The following BRD10 variants were observed in gnomAD, a reference collection of about 807,000 sequenced individuals.
The protein encoded by BRD10 is uncharacterized bromodomain-containing protein 10.
At chr9:6,006,695 T>A in the BRD10 span, among the ~76,000 whole-genome samples, 1 of 152,196 alleles carries the variant, frequency 6.6e-6, no homozygotes, top group Non-Finnish European at 1.5e-5. Context: ...CATTAACCAT[T>A]TAGTAACACT....
chr9:5,929,823 T>G, the BRD10 span, among the ~76,000 whole-genome samples: 2 of 152,262 alleles, frequency 1.3e-5, no homozygotes, highest in South Asian at 4.1e-4. Context: ...CATTGTTATG[T>G]TCACTTTACA....
the BRD10 span, among the ~76,000 whole-genome samples, chr9:5,905,466 C>CAAGGA: frequency 1.3e-5 from 2 of 152,116 alleles, no homozygotes; most frequent in African/African-American, 2.4e-5. Flanking sequence ...CAAGACAATG[C>CAAGGA]AAGGAAAGGG....
chr9:5,887,475 A>C, the BRD10 span, among the ~76,000 whole-genome samples: 3 of 152,106 alleles, frequency 2.0e-5, no homozygotes, highest in Admixed American at 6.5e-5. Context: ...TGGGAACTTC[A>C]CCTTGCCCTG....
the BRD10 span, among the ~76,000 whole-genome samples, chr9:5,928,566 C>A: frequency 7.9e-5 from 12 of 152,148 alleles, no homozygotes; most frequent in African/African-American, 2.7e-4. Flanking sequence ...CTCTTTGCAT[C>A]TCCACTAAAC....
chr9:5,955,858 G>T, the BRD10 span, among the ~76,000 whole-genome samples: 174 of 152,268 alleles, frequency 1.1e-3, 2 homozygotes, highest in African/African-American at 4.1e-3. Flanking sequence ...TACTCAGGGA[G>T]AAGTGATTAA....
the BRD10 span, among the ~76,000 whole-genome samples, chr9:5,900,468 T>C: frequency 3.3e-5 from 5 of 152,230 alleles, no homozygotes; most frequent in African/African-American, 4.8e-5. Context: ...GGCAAAATTA[T>C]GTAAAATAGT....
At chr9:5,964,001 A>G in the BRD10 span, among the ~76,000 whole-genome samples, 1 of 152,106 alleles carries the variant, frequency 6.6e-6, no homozygotes, top group Non-Finnish European at 1.5e-5. Flanking sequence ...ATGGGCAAGG[A>G]CTTCATGTCC....
chr9:6,002,848 TTTTG>T, the BRD10 span, among the ~76,000 whole-genome samples: 11 of 152,222 alleles, frequency 7.2e-5, no homozygotes, highest in South Asian at 2.1e-4. Flanking sequence ...GGCTAATTTT[TTTTG>T]TTTGTTTGTT....
the BRD10 span, among the ~76,000 whole-genome samples, chr9:5,928,018 T>C: frequency 2.0e-5 from 3 of 152,194 alleles, no homozygotes; most frequent in African/African-American, 7.2e-5. Flanking sequence ...AAAGTTAACA[T>C]GTTCAAATCC....
At chr9:5,999,205 G>A in the BRD10 span, among the ~76,000 whole-genome samples, 132 of 151,854 alleles carry the variant, frequency 8.7e-4, 1 homozygote, top group African/African-American at 3.0e-3. Flanking sequence ...TTTTCCCTGA[G>A]AACAGAGAGA....
At chr9:5,931,065 CTT>C in the BRD10 span, among the ~76,000 whole-genome samples, 8 of 152,186 alleles carry the variant, frequency 5.3e-5, no homozygotes, top group Non-Finnish European at 1.2e-4. Flanking sequence ...AGACTATACT[CTT>C]TGTGGCAGAA....
the BRD10 span, among the ~76,000 whole-genome samples, chr9:5,976,040 G>A: frequency 6.6e-6 from 1 of 152,126 alleles, no homozygotes; most frequent in Non-Finnish European, 1.5e-5. Flanking sequence ...TAGCAACATA[G>A]CATTTATTTA....
the BRD10 span, among the ~76,000 whole-genome samples, chr9:6,002,585 A>T: frequency 6.6e-6 from 1 of 152,218 alleles, no homozygotes; most frequent in Non-Finnish European, 1.5e-5. Flanking sequence ...TTCAAATTTA[A>T]CTTAGGAAAA....
chr9:5,894,242 C>T, the BRD10 span, among the ~76,000 whole-genome samples: 1 of 152,084 alleles, frequency 6.6e-6, no homozygotes, highest in Non-Finnish European at 1.5e-5. The surrounding 1 kb of genome is among the most constrained non-coding windows in gnomAD (Gnocchi z 4.0). Flanking sequence ...AACCTCATAG[C>T]CAGGTGTACC....
chr9:5,935,418 T>A, the BRD10 span, among the ~76,000 whole-genome samples: 1 of 152,216 alleles, frequency 6.6e-6, no homozygotes, highest in Non-Finnish European at 1.5e-5. Flanking sequence ...CAGGTCACAT[T>A]CCTGGTAAGG....
chr9:5,957,861 T>C, the BRD10 span, among the ~76,000 whole-genome samples: 1 of 152,176 alleles, frequency 6.6e-6, no homozygotes, highest in Non-Finnish European at 1.5e-5. Context: ...GTAACCTGTT[T>C]TTGCTTCAGG....
the BRD10 span, among the ~76,000 whole-genome samples, chr9:5,960,434 T>C: frequency 4.6e-5 from 7 of 151,964 alleles, no homozygotes; most frequent in African/African-American, 1.7e-4. Flanking sequence ...TGGTGGCACA[T>C]GCCTGTAGTC....
the BRD10 span, among the ~76,000 whole-genome samples, chr9:5,970,107 A>G: frequency 2.0e-5 from 3 of 152,228 alleles, no homozygotes; most frequent in South Asian, 2.1e-4. Flanking sequence ...CTCTGACCCC[A>G]TAATTCCATT....
At chr9:5,983,714 T>G in the BRD10 span, among the ~76,000 whole-genome samples, 3 of 151,888 alleles carry the variant, frequency 2.0e-5, no homozygotes, top group Non-Finnish European at 4.4e-5. Flanking sequence ...GAAATGAACC[T>G]CAAGCAAGAT....
Sources: gnomAD v4.1 joint callset for allele counts (sites outside exome capture counted in the v4.1 genomes callset) on GRCh38, gnomAD v4.1.1 for gene constraint, Gnocchi (gnomAD v3.1) non-coding constraint, MANE v1.5 for transcripts, NCBI Gene and HGNC (gene_info 2026-07-23, HGNC 2026-07-21) for gene names.